The following PRR27 variants were observed in gnomAD, a reference collection of about 807,000 sequenced individuals.
PRR27 encodes the protein proline-rich protein 27.
A neutral mutation model predicts 16.8 loss-of-function variants in PRR27; 12 were observed. The ratio of observed to expected loss-of-function variants is 0.71; its 90% CI spans 0.46 to 1.16. The LOEUF (loss-of-function observed/expected upper bound fraction) is 1.16. Among genes scored for constraint, PRR27 ranks in the 50% most tolerant of loss-of-function variants. PRR27 has a pLI of 0.00. For synonymous variants in PRR27, 100 were observed against 98.4 expected, an observed-to-expected ratio of 1.02 and a Z score of -0.10; for missense variants, 277 against 273.3, an observed-to-expected ratio of 1.01 and a Z score of -0.10.
chr4:70,154,816 T>G (rs1228850758), intron 1 of PRR27: 1 of 1,261,202 alleles, frequency 7.9e-7, no homozygotes, highest in Admixed American at 2.3e-5. Context: ...ACATTAGGGA[T>G]ACTTGATGGA....
chr4:70,155,390 G>C (rs1560468200), intron 1 of PRR27, among the ~76,000 whole-genome samples: 1 of 150,612 alleles, frequency 6.6e-6, no homozygotes, highest in East Asian at 1.9e-4. Flanking sequence ...TTTTGAGACG[G>C]AGTCTCGCTC....
chr4:70,161,568 T>C lies in PRR27; in HGVS notation c.649-18T>C. ...ATTTGATTGTTTATGAAAAGATCTTTTTTTTAATGTTTTCTAGGCAAATCA... is the reference window on the plus strand; with the variant it reads ...ATTTGATTGTTTATGAAAAGATCTTCTTTTTAATGTTTTCTAGGCAAATCA... On this transcript the variant is annotated intron_variant, in intron 3 of 4. Coordinates refer to ENST00000344526, the MANE Select transcript of PRR27 (RefSeq NM_214711.4). The C allele has an allele frequency of 1.3e-6, 2 of 1,490,448 alleles. No homozygotes were observed. Among genetic ancestry groups the C allele is most frequent in the South Asian group, 2.4e-5 (2 of 84,936 alleles). The allele number at this position is 1,490,448 out of a possible 1,614,324, so 92.3% of individuals were successfully genotyped here.
intron 4 of PRR27, 76 bp downstream of exon 4, chr4:70,161,706 A>G: frequency 1.5e-6 from 1 of 647,268 alleles, no homozygotes; most frequent in East Asian, 3.0e-5. Flanking sequence ...GCTACCTTGG[A>G]ATGTATTATA....
At chr4:70,157,987 AG>A (rs1728528566) in intron 2 of PRR27, among the ~76,000 whole-genome samples, 1 of 152,130 alleles carries the variant, frequency 6.6e-6, no homozygotes, top group Non-Finnish European at 1.5e-5. Context: ...GCAGAGAAGA[AG>A]GCCCGGAGCT....
At chr4:70,155,915 T>A (rs72856519) in intron 1 of PRR27, 139 bp from the exon 2 acceptor site, 6,458 of 582,668 alleles carry the variant, frequency 0.011, 159 homozygotes, top group African/African-American at 0.076. Context: ...TAAAAAAAAA[T>A]TCATATTAGT....
rs1331095271 is a variant in PRR27, at chr4:70,163,144, C to T, written c.*483C>T. 6.6e-6 allele frequency: 1 copy of T among 152,134 alleles called. No individual in the cohort carries two copies. The highest frequency in any genetic ancestry group is 1.9e-4 in the East Asian group (1 of 5,202). The allele number at this position is 152,134 out of a possible 1,614,324, so 9.4% of individuals were successfully genotyped here. A position where few individuals can be genotyped will look rare whatever the true frequency, so the allele number is the denominator to read the frequency against. On this transcript the variant is annotated 3_prime_UTR_variant, in exon 5 of 5. Coordinates refer to ENST00000344526, the MANE Select transcript of PRR27 (RefSeq NM_214711.4). ...TTAATGGACAGTTCAAATGTGACAT[C>T]TACAGTTTTTCATTTCTCTTTTATG...
Position 70,158,660 on chromosome 4 carries a change from T to C in PRR27, c.408T>C (p.Ala136=), listed in dbSNP as rs190837832. 2.5e-6 allele frequency: 4 copies of C among 1,613,778 alleles called. No homozygotes were observed. The highest frequency in any genetic ancestry group is 1.7e-6 in the Non-Finnish European group (2 of 1,179,918). Residue 136 remains alanine, a synonymous_variant, in exon 3 of 5, where the codon GCT becomes GCC. Coordinates refer to ENST00000344526, the MANE Select transcript of PRR27 (RefSeq NM_214711.4). ...CTATTGCAGCTGAGCCTGCTGCAGC[T>C]GCACCTCTTACAGCCACACCTGTAG... ...APPIAAEPAA[A]APLTATPVAA...
intron 1 of PRR27, 147 bp downstream of exon 1, chr4:70,154,573 T>C: frequency 1.2e-6 from 1 of 867,788 alleles, no homozygotes; most frequent in South Asian, 1.5e-5. Flanking sequence ...AGTGTCAGAC[T>C]TTTCAACGGA....
chr4:70,156,025 G>T (rs752402465), intron 1 of PRR27, 29 bp from the exon 2 acceptor site: 3 of 1,372,706 alleles, frequency 2.2e-6, no homozygotes, highest in Admixed American at 5.1e-5. Context: ...ATACATAACC[G>T]CATTAAAATA....
chr4:70,158,736 GCAC>G lies in PRR27; in HGVS notation c.486_488del (p.Pro163del). 6.3e-7 allele frequency: 1 copy of G among 1,577,400 alleles called. No individual in the cohort carries two copies. The highest frequency in any genetic ancestry group is 8.7e-7 in the Non-Finnish European group (1 of 1,152,398). On this transcript the variant is annotated inframe_deletion, in exon 3 of 5. Transcript: ENST00000344526. ...TGTTGCAGCTGAGCCTGCTGCAGAG[GCAC>G]CTGTTGGAGCTGAGCCTGCTGCAGA...
In PRR27 at chr4:70,163,052, A is replaced by C. The variant is rs911672761; in HGVS notation, c.*391A>C. 1.3e-5 allele frequency: 2 copies of C among 152,186 alleles called. No homozygotes were observed. The highest frequency in any genetic ancestry group is 4.8e-5 in the African/African-American group (2 of 41,438). 9.4% of individuals were successfully genotyped at this position (152,186 alleles called of 1,614,324 possible). A position where few individuals can be genotyped will look rare whatever the true frequency, so the allele number is the denominator to read the frequency against. ...TTGTAGTCAATGAACTTTTTGTCAC[A>C]AAACAGTAAAACATCTGTGTTTAAC... On this transcript the variant is annotated 3_prime_UTR_variant, in exon 5 of 5. Coordinates refer to ENST00000344526, the MANE Select transcript of PRR27 (RefSeq NM_214711.4).
At chr4:70,161,563 A>G (rs766173921) in intron 3 of PRR27, 23 bp from the exon 4 acceptor site, 1 of 1,458,194 alleles carries the variant, frequency 6.9e-7, no homozygotes, top group Non-Finnish European at 9.5e-7. Context: ...TTATGAAAAG[A>G]TCTTTTTTTT....
chr4:70,161,657 A>C (rs1235144362), intron 4 of PRR27, 27 bp downstream of exon 4: 18 of 1,077,778 alleles, frequency 1.7e-5, no homozygotes, highest in Non-Finnish European at 2.5e-5. Context: ...AATATAATTT[A>C]GAAATTATAG....
At chr4:70,160,039 T>A (rs937388218) in intron 3 of PRR27, among the ~76,000 whole-genome samples, 17 of 151,926 alleles carry the variant, frequency 1.1e-4, no homozygotes, top group South Asian at 4.1e-4. Context: ...AAAAAAAAAA[T>A]TCATCTTTTA....
intron 1 of PRR27, 144 bp downstream of exon 1, chr4:70,154,570 G>A (rs755623014): frequency 2.3e-6 from 2 of 867,844 alleles, no homozygotes; most frequent in African/African-American, 1.7e-5. Flanking sequence ...TGTAGTGTCA[G>A]ACTTTTCAAC....
Position 70,158,683 on chromosome 4 carries a change from T to C in PRR27, c.431T>C (p.Val144Ala). The C allele has an allele frequency of 6.2e-7, 1 of 1,613,728 alleles. No homozygotes were observed. Among genetic ancestry groups the C allele is most frequent in the East Asian group, 2.2e-5 (1 of 44,832 alleles). Residue 144 changes from valine to alanine, a missense_variant, in exon 3 of 5, where the codon GTA becomes GCA. By Grantham distance (64) the Val-to-Ala change is moderately conservative (BLOSUM62 0). Coordinates refer to ENST00000344526, the MANE Select transcript of PRR27 (RefSeq NM_214711.4). ...GCTGCACCTCTTACAGCCACACCTG[T>C]AGCAGCTGAGCCTGCTGCAGGGGCC... Reference protein sequence around the residue: ...AAAAPLTATPVAAEPAAGAPV... With the variant: ...AAAAPLTATPAAAEPAAGAPV...
chr4:70,164,825 A>G lies in PRR27; in HGVS notation c.*2164A>G, dbSNP rs1728731081. ...GCTAATGGTACATTATGTGGTGTTTAGTATCACATTTAGAATGTAGTCATT... is the reference window on the plus strand; with the variant it reads ...GCTAATGGTACATTATGTGGTGTTTGGTATCACATTTAGAATGTAGTCATT... On this transcript the variant is annotated 3_prime_UTR_variant, in exon 5 of 5. Coordinates refer to ENST00000344526, the MANE Select transcript of PRR27 (RefSeq NM_214711.4). 1 of 152,164 alleles carries G rather than the reference A, an allele frequency of 6.6e-6. No individual in the cohort carries two copies. The highest frequency in any genetic ancestry group is 1.5e-5 in the Non-Finnish European group (1 of 67,992). The allele number at this position is 152,164 out of a possible 1,614,324, so 9.4% of individuals were successfully genotyped here.
chr4:70,158,973 TC>T, intron 3 of PRR27, 73 bp downstream of exon 3: 1 of 1,333,900 alleles, frequency 7.5e-7, no homozygotes, highest in Non-Finnish European at 1.0e-6. Flanking sequence ...AAAAAACCAC[TC>T]CCCAAGCAAA....
At position 70,158,808 on chromosome 4, in the gene PRR27, G is replaced by A. The variant is rs1479895246; in HGVS notation, c.556G>A (p.Val186Met). 1.2e-6 allele frequency: 2 copies of A among 1,613,750 alleles called. No individual in the cohort carries two copies. The highest frequency in any genetic ancestry group is 1.7e-5 in the Admixed American group (1 of 60,010). ...AEPAAEAPVG[V>M]EPAAEEPSPA... ...GCCTGCTGCAGAGGCACCTGTTGGAGTGGAGCCAGCTGCAGAGGAACCTTC... is the reference window on the plus strand; with the variant it reads ...GCCTGCTGCAGAGGCACCTGTTGGAATGGAGCCAGCTGCAGAGGAACCTTC... Residue 186 changes from valine to methionine, a missense_variant, in exon 3 of 5, where the codon GTG becomes ATG. By Grantham distance (21) the Val-to-Met change is conservative. Transcript: ENST00000344526.
Sources: gnomAD v4.1 joint callset for allele counts (sites outside exome capture counted in the v4.1 genomes callset) on GRCh38, gnomAD v4.1.1 for gene constraint, MANE v1.5 for transcripts, NCBI Gene and HGNC (gene_info 2026-07-23, HGNC 2026-07-21) for gene names.